The following MAP3K5 variants were observed in gnomAD, a reference collection of about 807,000 sequenced individuals.
MAP3K5 encodes the protein ASK-1.
In MAP3K5, 56 loss-of-function variants were observed where a neutral mutation model predicts 158.7. The observed-to-expected ratio is 0.35, with a 90% CI of 0.28 to 0.44. MAP3K5 has a LOEUF of 0.44. Ranked by LOEUF, MAP3K5 falls within the 20% of genes least tolerant of loss-of-function variation. MAP3K5 has a pLI of 1.00. For missense variants in MAP3K5, 1,294 were observed against 1,674.8 expected (o/e 0.77, Z 3.97); for synonymous variants, 579 against 601.7 (o/e 0.96, Z 0.55).
chr6:136,592,629 AG>A lies in MAP3K5; in HGVS notation c.2879-16del. On this transcript the variant is annotated splice_polypyrimidine_tract_variant and intron_variant, in intron 21 of 29. Transcript: ENST00000359015. The stretch of plus-strand genomic sequence containing the variant: ...CCTGAGATATTCTGCTTGTGATGAG[AG>A]GAGGGAAAAGATAATTGACACTTTA... 1 of 1,608,258 alleles carries A rather than the reference AG, an allele frequency of 6.2e-7. No individual in the cohort carries two copies. Among genetic ancestry groups the A allele is most frequent in the Non-Finnish European group, 8.5e-7 (1 of 1,175,260 alleles).
intron 26 of MAP3K5, 65 bp from the exon 27 acceptor site, chr6:136,562,680 T>C: frequency 1.2e-6 from 1 of 833,244 alleles, no homozygotes; most frequent in Non-Finnish European, 1.9e-6. Context: ...TTTTTATTTT[T>C]ATTTTTTTAG....
At chr6:136,751,410 G>C (rs1037308721) in intron 1 of MAP3K5, among the ~76,000 whole-genome samples, 6 of 152,210 alleles carry the variant, frequency 3.9e-5, no homozygotes, top group South Asian at 2.1e-4. Flanking sequence ...GTTAAATATA[G>C]TTATGAGAAC....
chr6:136,708,592 G>A (rs1056219038), intron 2 of MAP3K5, among the ~76,000 whole-genome samples: 2 of 152,096 alleles, frequency 1.3e-5, no homozygotes, highest in Non-Finnish European at 2.9e-5. Flanking sequence ...CATTTAGGTG[G>A]CTACTGAAAA....
At chr6:136,731,061 A>G (rs1265447092) in intron 1 of MAP3K5, among the ~76,000 whole-genome samples, 1 of 152,224 alleles carries the variant, frequency 6.6e-6, no homozygotes, top group Non-Finnish European at 1.5e-5. Context: ...ATCCAGATAC[A>G]AAGGACTAGG....
chr6:136,584,530 T>A (rs1775029495), intron 23 of MAP3K5: 1 of 152,954 alleles, frequency 6.5e-6, no homozygotes, highest in African/African-American at 2.4e-5. Flanking sequence ...TTTGAAAGCA[T>A]CAAATCTTGT....
Position 136,741,508 on chromosome 6 carries a change from C to CA in MAP3K5, c.449-20920dup, listed in dbSNP as rs200044025. 7.5e-3 allele frequency among the ~76,000 whole-genome samples: 937 copies of CA among 124,902 alleles called. 5 individuals are homozygous for CA. The highest frequency in any genetic ancestry group is 0.012 in the African/African-American group (424 of 34,146). 81.9% of individuals were successfully genotyped at this position (124,902 alleles called of 152,430 possible). ...AATAATAAAAGTGTTCAAATACCTA[C>CA]AAAAAAAAAAAAACCCTATAGCTAA... On this transcript the variant is annotated intron_variant, in intron 1 of 29. Coordinates refer to ENST00000359015, the MANE Select transcript of MAP3K5 (RefSeq NM_005923.4).
At chr6:136,578,191 T>A (rs917316057) in intron 25 of MAP3K5, among the ~76,000 whole-genome samples, 1 of 152,214 alleles carries the variant, frequency 6.6e-6, no homozygotes, top group African/African-American at 2.4e-5. Context: ...AGTATCTGAA[T>A]ATAAATATTG....
At position 136,757,579 on chromosome 6, in the gene MAP3K5, A is replaced by ATTTTT. The variant is rs776508913; in HGVS notation, c.448+34126_448+34130dup. Among the ~76,000 whole-genome samples the ATTTTT allele has an allele frequency of 1.7e-3, 185 of 111,950 alleles. 1 individual carries two copies. Among genetic ancestry groups the ATTTTT allele is most frequent in the Non-Finnish European group, 2.4e-3 (123 of 51,226 alleles). 73.4% of individuals were successfully genotyped at this position (111,950 alleles called of 152,430 possible). On this transcript the variant is annotated intron_variant, in intron 1 of 29. Transcript: ENST00000359015. Reference sequence around the variant, plus strand: ...ACTCATTTTATAGATTTATTTATTTATTTTTTATTTTTTTTTTTTTTTTTT... The same window carrying ATTTTT: ...ACTCATTTTATAGATTTATTTATTTATTTTTTTTTTTATTTTTTTTTTTTTTTTTT...
chr6:136,640,782 A>G (rs1287983481), intron 12 of MAP3K5, among the ~76,000 whole-genome samples: 1 of 152,208 alleles, frequency 6.6e-6, no homozygotes, highest in Non-Finnish European at 1.5e-5. Flanking sequence ...GCAAGTTCTG[A>G]GGTGACGCAA....
chr6:136,653,070 A>G (rs1422897493), intron 10 of MAP3K5, among the ~76,000 whole-genome samples: 1 of 152,232 alleles, frequency 6.6e-6, no homozygotes, highest in African/African-American at 2.4e-5. Flanking sequence ...AAGGCCTATA[A>G]AGGATAGATA....
intron 1 of MAP3K5, among the ~76,000 whole-genome samples, chr6:136,778,613 T>C (rs749103505): frequency 6.6e-5 from 10 of 152,232 alleles, no homozygotes; most frequent in Non-Finnish European, 1.3e-4. Flanking sequence ...GCTGATGTGA[T>C]GCCTGTAATC....
intron 1 of MAP3K5, among the ~76,000 whole-genome samples, chr6:136,734,843 A>G (rs1020781780): frequency 3.3e-5 from 5 of 152,202 alleles, no homozygotes; most frequent in African/African-American, 1.2e-4. Flanking sequence ...TTATGGGAGC[A>G]TCCTCCCTCA....
chr6:136,743,376 G>C (rs1015274876), intron 1 of MAP3K5, among the ~76,000 whole-genome samples: 2 of 151,074 alleles, frequency 1.3e-5, no homozygotes, highest in Admixed American at 1.3e-4. Context: ...CATGAACCCG[G>C]GAGGCGGAGG....
chr6:136,620,157 C>G (rs1409586846), intron 15 of MAP3K5, among the ~76,000 whole-genome samples: 2 of 152,158 alleles, frequency 1.3e-5, no homozygotes, highest in African/African-American at 4.8e-5. Context: ...GTAATCCCAG[C>G]TACTCAGGAG....
chr6:136,649,866 G>A (rs1225023503), intron 11 of MAP3K5, among the ~76,000 whole-genome samples: 2 of 152,182 alleles, frequency 1.3e-5, no homozygotes, highest in African/African-American at 4.8e-5. Flanking sequence ...TCATTCTACA[G>A]ATGAGGACAC....
chr6:136,639,456 C>G, intron 13 of MAP3K5, 87 bp downstream of exon 13: 1 of 674,308 alleles, frequency 1.5e-6, no homozygotes. Flanking sequence ...GCCATGCATT[C>G]TTCACAGGAG....
At chr6:136,624,935 C>A (rs548400091) in intron 14 of MAP3K5, among the ~76,000 whole-genome samples, 4 of 152,278 alleles carry the variant, frequency 2.6e-5, no homozygotes, top group East Asian at 3.9e-4. Flanking sequence ...TACCTGAGAA[C>A]CTTCCTGCTA....
intron 8 of MAP3K5, among the ~76,000 whole-genome samples, chr6:136,665,333 C>A (rs990162358): frequency 1.3e-5 from 2 of 150,010 alleles, no homozygotes; most frequent in East Asian, 3.9e-4. Context: ...TGTAGCATAG[C>A]TCAAGAAGAG....
intron 2 of MAP3K5, among the ~76,000 whole-genome samples, chr6:136,710,865 T>C (rs983737153): frequency 1.1e-4 from 16 of 152,156 alleles, no homozygotes; most frequent in African/African-American, 3.9e-4. Context: ...TGGCAAGTTT[T>C]CCATTAAAGT....
Sources: allele counts gnomAD v4.1 joint callset (sites outside exome capture counted in the v4.1 genomes callset), GRCh38; gene constraint gnomAD v4.1.1; transcripts MANE v1.5; gene names NCBI Gene and HGNC (gene_info 2026-07-23, HGNC 2026-07-21).